The following PPT1 variants were observed in gnomAD, a reference collection of about 807,000 sequenced individuals.
The protein encoded by PPT1 is ceroid-palmitoyl-palmitoyl-protein thioesterase 1.
Under a neutral mutation model 44.0 loss-of-function variants are expected in PPT1, and 24 were observed. The observed-to-expected ratio is 0.54, with a 90% CI of 0.39 to 0.77. PPT1 has a LOEUF of 0.77. Among genes scored for constraint, PPT1 ranks in the 30% least tolerant of loss-of-function variants. The pLI is 0.00. For synonymous variants in PPT1, 148 were observed against 140.2 expected (o/e 1.06, Z -0.39); for missense variants, 341 against 378.8 (o/e 0.90, Z 0.83).
chr1:40,072,404 G>A (rs1648234177), downstream of PPT1: 1 of 247,526 alleles, frequency 4.0e-6, no homozygotes, highest in Non-Finnish European at 7.6e-6. Context: ...CCTGAACAGA[G>A]GACTGAAACC....
chr1:40,086,561 G>A (rs1206203385), intron 5 of PPT1, among the ~76,000 whole-genome samples: 1 of 152,162 alleles, frequency 6.6e-6, no homozygotes, highest in Non-Finnish European at 1.5e-5. Flanking sequence ...TGGTTAGTAA[G>A]CACGGTCCCA....
intron 5 of PPT1, among the ~76,000 whole-genome samples, chr1:40,084,835 A>G (rs1441345075): frequency 6.6e-6 from 1 of 152,202 alleles, no homozygotes; most frequent in Admixed American, 6.5e-5. Context: ...TGACCAGAAG[A>G]CAATAGTGTG....
At chr1:40,093,966 G>A in intron 1 of PPT1, 1 of 716,506 alleles carries the variant, frequency 1.4e-6, no homozygotes, top group South Asian at 1.5e-5. Flanking sequence ...GACGAGGCAG[G>A]AGGATTGCTT....
chr1:40,072,264 A>AC (rs1186503638), downstream of PPT1: 15 of 298,064 alleles, frequency 5.0e-5, 1 homozygote, highest in Non-Finnish European at 3.4e-5. Flanking sequence ...AAAAAAAAAA[A>AC]AAAAAAACCC....
Position 40,080,451 on chromosome 1 carries a change from C to T in PPT1, c.573G>A (p.Lys191=). The change falls in exon 6 of 9, where the codon AAG becomes AAA. Residue 191 remains lysine (K), a synonymous_variant. Coordinates refer to ENST00000642050, the MANE Select transcript of PPT1 (RefSeq NM_000310.4). The stretch of plus-strand genomic sequence containing the variant: ...TGCTGTGGTTGCGATACACATCCTC[C>T]TTTATGGGGTCATGCCAGTATTCGG... The part of the protein sequence containing the change: ...VQAEYWHDPI[K]EDVYRNHSIF... The T allele has an allele frequency of 1.2e-6, 2 of 1,613,998 alleles. No homozygotes were observed. The highest frequency in any genetic ancestry group is 1.7e-6 in the Non-Finnish European group (2 of 1,179,986).
intron 1 of PPT1, chr1:40,096,867 A>T: frequency 1.6e-6 from 1 of 618,498 alleles, no homozygotes; most frequent in Non-Finnish European, 2.8e-6. Context: ...GGATTAATCA[A>T]GGACAGCATG....
chr1:40,077,669 A>G (rs1648698484), intron 7 of PPT1, among the ~76,000 whole-genome samples: 2 of 152,220 alleles, frequency 1.3e-5, no homozygotes, highest in Non-Finnish European at 2.9e-5. Flanking sequence ...GTGTTTTAAC[A>G]GAGGCTGATG....
At chr1:40,080,748 C>CCTGG (rs1442603265) in intron 5 of PPT1, among the ~76,000 whole-genome samples, 3 of 152,290 alleles carry the variant, frequency 2.0e-5, no homozygotes, top group Middle Eastern at 3.4e-3. Flanking sequence ...GCGGCAGGCG[C>CCTGG]CTGTAATCCT....
rs1441821416 is a variant in PPT1, at chr1:40,073,173, T to TG, written c.*887dup. On this transcript the variant is annotated 3_prime_UTR_variant, in exon 9 of 9. Coordinates refer to ENST00000642050, the MANE Select transcript of PPT1 (RefSeq NM_000310.4). ...TTGGAGTATGCTGGTAAATGTGTTT[T>TG]GGGGATGGAAGTCAGAAAGCCTGAT... 1 of 152,202 alleles carries TG rather than the reference T, an allele frequency of 6.6e-6. No individual in the cohort carries two copies. The highest frequency in any genetic ancestry group is 2.4e-5 in the African/African-American group (1 of 41,440). 9.4% of individuals were successfully genotyped at this position (152,202 alleles called of 1,614,324 possible). A position where few individuals can be genotyped will look rare whatever the true frequency, so the allele number is the denominator to read the frequency against.
rs754301009 is a variant in PPT1 at position 40,078,657 on chromosome 1, C to T, written c.629G>A (p.Gly210Asp). Residue 210 changes from glycine (G) to aspartate (D), a missense_variant and splice_region_variant, in exon 7 of 9, where the codon GGT becomes GAT. Transcript: ENST00000642050. ...IFLADINQERGINESYKKNLM... is the reference protein window; with the variant it reads ...IFLADINQERDINESYKKNLM... ...GTTTTTCTTGTAGGACTCATTGATA[C>T]CCTGAAAGAAAGGCCAGCAACACCT... The T allele has an allele frequency of 6.2e-6, 10 of 1,612,500 alleles. No homozygotes were observed. Among genetic ancestry groups the T allele is most frequent in the African/African-American group, 2.7e-5 (2 of 74,856 alleles).
chr1:40,089,576 C>A (rs1464867199), intron 4 of PPT1, 64 bp from the exon 5 acceptor site: 9 of 1,186,552 alleles, frequency 7.6e-6, no homozygotes, highest in Non-Finnish European at 1.1e-5. Flanking sequence ...CCACTATGCA[C>A]AAGGCACTGT....
At position 40,091,404 on chromosome 1, in the gene PPT1, G is replaced by A. The variant is rs112553480; in HGVS notation, c.363-5C>T. 8.8e-5 allele frequency: 142 copies of A among 1,610,724 alleles called. No individual in the cohort carries two copies. The highest frequency in any genetic ancestry group is 1.1e-4 in the Non-Finnish European group (133 of 1,177,296). ...CATCTCTGAGCCACTGCCCTCCTAC[G>A]GAATAAAAGGGAGTTTTAGCTCCGA... On this transcript the variant is annotated splice_polypyrimidine_tract_variant and splice_region_variant and intron_variant, in intron 3 of 8. Transcript: ENST00000642050.
intron 4 of PPT1, among the ~76,000 whole-genome samples, chr1:40,090,089 A>G (rs1206381057): frequency 6.6e-6 from 1 of 152,196 alleles, no homozygotes; most frequent in East Asian, 1.9e-4. Context: ...TTGGCCCCAG[A>G]GCCCACTCCT....
chr1:40,092,289 A>C, intron 2 of PPT1, 109 bp downstream of exon 2: 1 of 1,536,990 alleles, frequency 6.5e-7, no homozygotes, highest in Non-Finnish European at 9.0e-7. Flanking sequence ...CAAGGGTGAA[A>C]GTATCACTGT....
chr1:40,096,562 G>A (rs1649856617), intron 1 of PPT1, among the ~76,000 whole-genome samples: 1 of 151,884 alleles, frequency 6.6e-6, no homozygotes, highest in South Asian at 2.1e-4. Context: ...TTCCAGCTAT[G>A]TGTATAAGGT....
chr1:40,093,578 A>G (rs1649684056), intron 1 of PPT1, among the ~76,000 whole-genome samples: 1 of 152,210 alleles, frequency 6.6e-6, no homozygotes, highest in Non-Finnish European at 1.5e-5. Flanking sequence ...TTATCAAGTA[A>G]TAACAAGCTT....
At chr1:40,094,633 A>G (rs935583271) in intron 1 of PPT1, among the ~76,000 whole-genome samples, 1 of 152,192 alleles carries the variant, frequency 6.6e-6, no homozygotes, top group Non-Finnish European at 1.5e-5. Flanking sequence ...ATTTCAGGGA[A>G]CTAGAACTAG....
At chr1:40,087,730 C>A (rs1570465183) in intron 5 of PPT1, among the ~76,000 whole-genome samples, 1 of 151,948 alleles carries the variant, frequency 6.6e-6, no homozygotes, top group African/African-American at 2.4e-5. Flanking sequence ...AAATACCATG[C>A]AAATCCATGA....
rs181976506 is a variant in PPT1, at chr1:40,091,494, T to A, written c.363-95A>T. 5 of 1,096,060 alleles carry A rather than the reference T, an allele frequency of 4.6e-6. No homozygotes were observed. In the African/African-American group the frequency reaches 7.8e-5, roughly 17 times the overall value. 67.9% of individuals were successfully genotyped at this position (1,096,060 alleles called of 1,614,324 possible). On this transcript the variant is annotated intron_variant, in intron 3 of 8. Coordinates refer to ENST00000642050, the MANE Select transcript of PPT1 (RefSeq NM_000310.4). ...GATTAAGCTAGTCATCCTCTGTGAC[T>A]CCCCAAACCCGCAGAGTTTCAGGAT...
Sources: allele counts gnomAD v4.1 joint callset (sites outside exome capture counted in the v4.1 genomes callset), GRCh38; gene constraint gnomAD v4.1.1; transcripts MANE v1.5; gene names NCBI Gene and HGNC (gene_info 2026-07-23, HGNC 2026-07-21).